Variants in TUBGCP4 observed in about 807,000 individuals in gnomAD.
TUBGCP4 encodes the protein gamma-tubulin complex component 4.
Under a neutral mutation model 91.6 loss-of-function variants are expected in TUBGCP4, and 54 were observed. The observed-to-expected ratio is 0.59, with a 90% CI of 0.47 to 0.74. The LOEUF (loss-of-function observed/expected upper bound fraction) is 0.74. Among genes scored for constraint, TUBGCP4 ranks in the 30% least tolerant of loss-of-function variants. The probability of loss-of-function intolerance (pLI) is 0.00; values close to 1 mark genes in which losing one functional copy is unlikely to be tolerated. For missense variants in TUBGCP4, 593 were observed against 800.9 expected, an observed-to-expected ratio of 0.74 and a Z score of 3.13; for synonymous variants, 297 against 302.8, an observed-to-expected ratio of 0.98 and a Z score of 0.20.
intron 11 of TUBGCP4, 81 bp downstream of exon 11, chr15:43,395,769 C>A: frequency 8.7e-7 from 1 of 1,154,172 alleles, no homozygotes; most frequent in Non-Finnish European, 1.3e-6. Context: ...CTTTTAAGGC[C>A]TGCTCCACAT....
chr15:43,392,291 G>T lies in TUBGCP4; in HGVS notation c.1015-2816G>T, dbSNP rs946531750. Among the ~76,000 whole-genome samples the T allele has an allele frequency of 5.3e-5, 8 of 151,110 alleles. No homozygotes were observed. The South Asian group carries it at 1.7e-3, about 32-fold the overall frequency. ...TAAAACTTTACATATTGTTTTGACT[G>T]TGTCTCACAAGTTTTTGGCATGTAG... On this transcript the variant is annotated intron_variant, in intron 9 of 17. Transcript: ENST00000564079.
Position 43,393,682 on chromosome 15 carries a change from T to G in TUBGCP4, c.1015-1425T>G, listed in dbSNP as rs899605771. On this transcript the variant is annotated intron_variant, in intron 9 of 17. Coordinates refer to ENST00000564079, the MANE Select transcript of TUBGCP4 (RefSeq NM_014444.5). ...TCATTGTTCAATTCCCACCTATGAGTGAGAACATGCGGTGTTTGGTTTTTT... is the reference window on the plus strand; with the variant it reads ...TCATTGTTCAATTCCCACCTATGAGGGAGAACATGCGGTGTTTGGTTTTTT... 6.6e-5 allele frequency among the ~76,000 whole-genome samples: 10 copies of G among 151,956 alleles called. No homozygotes were observed. The South Asian group carries it at 1.9e-3, about 28-fold the overall frequency.
chr15:43,378,345 C>T (rs899574200), intron 5 of TUBGCP4, among the ~76,000 whole-genome samples: 6 of 152,164 alleles, frequency 3.9e-5, no homozygotes, highest in Non-Finnish European at 5.9e-5. Context: ...CTATTCTTAT[C>T]ACAAGTTTTT....
intron 17 of TUBGCP4, 125 bp downstream of exon 17, chr15:43,404,677 T>G: frequency 2.0e-6 from 2 of 1,011,684 alleles, no homozygotes; most frequent in Non-Finnish European, 2.9e-6. Flanking sequence ...GGCTTAGAGA[T>G]AGAGGTGTGA....
intron 5 of TUBGCP4, among the ~76,000 whole-genome samples, chr15:43,378,104 G>C (rs2044235943): frequency 6.6e-6 from 1 of 152,200 alleles, no homozygotes; most frequent in Non-Finnish European, 1.5e-5. Context: ...TCCTGGTCCA[G>C]AAGGTAGAGG....
rs1020685094 is a variant in TUBGCP4 at position 43,409,556 on chromosome 15, G to A, written c.*4342G>A. 8 of 628,602 alleles carry A rather than the reference G, an allele frequency of 1.3e-5. No individual in the cohort carries two copies. The Admixed American group carries it at 1.7e-4, about 14-fold the overall frequency. The allele number at this position is 628,602 out of a possible 1,614,324, so 38.9% of individuals were successfully genotyped here. The stretch of plus-strand genomic sequence containing the variant: ...CTGAAATCTCTGGCTACTTTATCCA[G>A]GTTCCCCAACCCCTCCCAGGCCTCT... On this transcript the variant is annotated 3_prime_UTR_variant, in exon 18 of 18. Transcript: ENST00000564079.
chr15:43,380,037 G>A (rs2044264464), intron 5 of TUBGCP4, 47 bp from the exon 6 acceptor site: 1 of 1,569,200 alleles, frequency 6.4e-7, no homozygotes, highest in Admixed American at 1.7e-5. Context: ...TGTCTTGCAT[G>A]GACTCTTAGA....
At chr15:43,395,356 C>T (rs2044563747) in intron 10 of TUBGCP4, 199 bp downstream of exon 10, 3 of 669,626 alleles carry the variant, frequency 4.5e-6, no homozygotes, top group Admixed American at 2.7e-5. Flanking sequence ...TTTTTTCTGG[C>T]ATATATATAT....
Position 43,407,996 on chromosome 15 carries a change from A to G in TUBGCP4, c.*2782A>G, listed in dbSNP as rs774546121. The G allele has an allele frequency of 8.1e-6, 13 of 1,614,018 alleles. No individual in the cohort carries two copies. In the Admixed American group the frequency reaches 1.3e-4, roughly 17 times the overall value. The stretch of plus-strand genomic sequence containing the variant: ...CTTCACAGAGGCTGCACCACCAGTC[A>G]TGAGGATCTCAGACCAGAGCTCCAG... On this transcript the variant is annotated 3_prime_UTR_variant, in exon 18 of 18. Transcript: ENST00000564079.
At chr15:43,390,440 G>T (rs746316725) in intron 9 of TUBGCP4, among the ~76,000 whole-genome samples, 4 of 151,194 alleles carry the variant, frequency 2.6e-5, no homozygotes, top group Non-Finnish European at 5.9e-5. Flanking sequence ...TATTTATTTA[G>T]AATTTCTTTT....
intron 4 of TUBGCP4, 28 bp from the exon 5 acceptor site, chr15:43,377,819 A>T: frequency 6.4e-7 from 1 of 1,551,562 alleles, no homozygotes; most frequent in South Asian, 1.2e-5. Context: ...TTGATTACAT[A>T]CCCTTCTAAT....
intron 1 of TUBGCP4, among the ~76,000 whole-genome samples, chr15:43,371,670 G>A (rs1055845235): frequency 1.3e-5 from 2 of 152,168 alleles, no homozygotes; most frequent in Non-Finnish European, 2.9e-5. Flanking sequence ...GTGGCGGGGC[G>A]AGGAAAGGGC....
intron 1 of TUBGCP4, among the ~76,000 whole-genome samples, chr15:43,375,131 G>C (rs2044186826): frequency 6.6e-6 from 1 of 152,212 alleles, no homozygotes; most frequent in Admixed American, 6.5e-5. Flanking sequence ...TTGAACTCCT[G>C]ACCTCAGGTG....
At position 43,376,599 on chromosome 15, in the gene TUBGCP4, C is replaced by G. The variant is rs945304215; in HGVS notation, c.304C>G (p.Gln102Glu). Residue 102 changes from glutamine (Q) to glutamate (E), a missense_variant, in exon 3 of 18, where the codon CAA becomes GAA. Physicochemically the swap from Gln to Glu is conservative, Grantham distance 29. Transcript: ENST00000564079. The part of the protein sequence containing the change: ...GLDSVLQPYR[Q>E]ALLDLEQEFL... The stretch of plus-strand genomic sequence containing the variant: ...GGATTCTGTTTTGCAGCCTTATCGC[C>G]AAGCACTGCTTGATTTGGAACAAGA... 1 of 1,614,168 alleles carries G rather than the reference C, an allele frequency of 6.2e-7. No homozygotes were observed. Among genetic ancestry groups the G allele is most frequent in the Non-Finnish European group, 8.5e-7 (1 of 1,180,030 alleles).
At chr15:43,400,654 G>T (rs1199317587) in intron 14 of TUBGCP4, among the ~76,000 whole-genome samples, 1 of 152,098 alleles carries the variant, frequency 6.6e-6, no homozygotes, top group East Asian at 1.9e-4. Flanking sequence ...CATGGGTCAC[G>T]TCTGTAATCT....
chr15:43,405,361 C>A lies in TUBGCP4; in HGVS notation c.*147C>A. On this transcript the variant is annotated 3_prime_UTR_variant, in exon 18 of 18. Coordinates refer to ENST00000564079, the MANE Select transcript of TUBGCP4 (RefSeq NM_014444.5). Reference sequence around the variant, plus strand: ...TTTTCTCCTAGAAGCAGTTACTGAACATCCAGGAGTACAACTCCTTCCCAT... The same window carrying A: ...TTTTCTCCTAGAAGCAGTTACTGAAAATCCAGGAGTACAACTCCTTCCCAT... 1 of 852,864 alleles carries A rather than the reference C, an allele frequency of 1.2e-6. No homozygotes were observed. Among genetic ancestry groups the A allele is most frequent in the Non-Finnish European group, 1.9e-6 (1 of 531,288 alleles). 52.8% of individuals were successfully genotyped at this position (852,864 alleles called of 1,614,324 possible).
rs2044200848 is a variant in TUBGCP4 at position 43,376,129 on chromosome 15, G to A, written c.110G>A (p.Ser37Asn). ...CAGGACTTCCCTTTCCTCCACCCCA[G>A]TGAGACCAGTGTCCTGAATCGACTC... ...VSQDFPFLHPSETSVLNRLCR... is the reference protein window; with the variant it reads ...VSQDFPFLHPNETSVLNRLCR... The change falls in exon 2 of 18, where the codon AGT becomes AAT. Residue 37 changes from serine to asparagine, a missense_variant. Coordinates refer to ENST00000564079, the MANE Select transcript of TUBGCP4 (RefSeq NM_014444.5). 1 of 1,613,866 alleles carries A rather than the reference G, an allele frequency of 6.2e-7. No homozygotes were observed.
At chr15:43,381,767 T>C (rs2044288630) in intron 6 of TUBGCP4, among the ~76,000 whole-genome samples, 1 of 151,884 alleles carries the variant, frequency 6.6e-6, no homozygotes, top group Non-Finnish European at 1.5e-5. Flanking sequence ...CAAACGCTAG[T>C]GTATCCTTTA....
intron 15 of TUBGCP4, chr15:43,402,789 G>C (rs2044714731): frequency 6.6e-6 from 1 of 152,236 alleles, no homozygotes. Flanking sequence ...AGACTGAAAT[G>C]ATCTCTGGTA....
Sources: allele counts gnomAD v4.1 joint callset (sites outside exome capture counted in the v4.1 genomes callset), GRCh38; gene constraint gnomAD v4.1.1; transcripts MANE v1.5; gene names NCBI Gene and HGNC (gene_info 2026-07-23, HGNC 2026-07-21).